Variants in SPTB observed in about 807,000 individuals in gnomAD.
SPTB encodes the protein spectrin beta chain, erythrocytic.
Under a neutral mutation model 256.2 loss-of-function variants are expected in SPTB, and 45 were observed. The ratio of observed to expected loss-of-function variants is 0.18; its 90% CI spans 0.14 to 0.23. The LOEUF is 0.23. Among genes scored for constraint, SPTB ranks in the 10% least tolerant of loss-of-function variants. The pLI is 1.00. For synonymous variants in SPTB, 1,231 were observed against 1,243.1 expected (o/e 0.99, Z 0.21); for missense variants, 2,715 against 3,040.4 (o/e 0.89, Z 2.52).
chr14:64,823,234 G>A lies in SPTB; in HGVS notation c.-51-89C>T. The A allele has an allele frequency of 1.0e-6, 1 of 990,526 alleles. No individual in the cohort carries two copies. The highest frequency in any genetic ancestry group is 2.6e-5 in the East Asian group (1 of 38,974). 61.4% of individuals were successfully genotyped at this position (990,526 alleles called of 1,614,324 possible). ...AACTTATTCGGAGCATCCAACGTGA[G>A]TAGATCCTGACAGAAGCAGAACGCC... On this transcript the variant is annotated intron_variant, in intron 1 of 35. Transcript: ENST00000644917. The surrounding 1 kb of genome is among the most constrained non-coding windows in gnomAD (Gnocchi z 6.5).
At chr14:64,801,115 G>A (rs1239996300) in intron 7 of SPTB, among the ~76,000 whole-genome samples, 170 bp downstream of exon 7, 2 of 152,262 alleles carry the variant, frequency 1.3e-5, no homozygotes, top group African/African-American at 2.4e-5. Context: ...GCATGGAGCA[G>A]AGAAGCAGGC....
intron 1 of SPTB, among the ~76,000 whole-genome samples, chr14:64,874,171 T>C (rs1397728081): frequency 6.6e-6 from 1 of 152,218 alleles, no homozygotes; most frequent in Non-Finnish European, 1.5e-5. Context: ...AATCATGCTT[T>C]ATTGTCTGTG....
intron 1 of SPTB, among the ~76,000 whole-genome samples, chr14:64,878,993 G>T (rs540224786): frequency 6.6e-6 from 1 of 152,326 alleles, no homozygotes; most frequent in African/African-American, 2.4e-5. Flanking sequence ...GGGAAGTACG[G>T]ATGAGTTGGT....
At chr14:64,872,477 C>T (rs112908289) in intron 1 of SPTB, among the ~76,000 whole-genome samples, 2 of 152,292 alleles carry the variant, frequency 1.3e-5, no homozygotes, top group South Asian at 4.1e-4. Flanking sequence ...ACTCCCCTGC[C>T]CACAACTTCC....
intron 32 of SPTB, 83 bp from the exon 33 acceptor site, chr14:64,753,876 C>T (rs984373626): frequency 3.2e-6 from 5 of 1,564,170 alleles, no homozygotes; most frequent in Non-Finnish European, 4.3e-6. Context: ...GGGAGGTCAG[C>T]AGCCACCCTC....
intron 9 of SPTB, 100 bp from the exon 10 acceptor site, chr14:64,797,946 A>C (rs2082808596): frequency 3.6e-6 from 3 of 829,666 alleles, no homozygotes; most frequent in Non-Finnish European, 6.4e-6. Context: ...AAGCGTAGAT[A>C]GCAAAGCATA....
rs149316006 is a variant in SPTB, at chr14:64,787,084, C to T, written c.2881G>A (p.Val961Ile). 2.8e-4 allele frequency: 445 copies of T among 1,612,860 alleles called. 1 individual carries two copies. In the African/African-American group the frequency reaches 4.8e-3, roughly 17 times the overall value. ...CACTTGCTGGTCTCCTCGCAATCTA[C>T]GCAGTAGTTGTGCACTCGGAGGGCT... ...DSALRVHNYC[V>I]DCEETSKWIT... is the part of the protein sequence containing the mutation. Residue 961 changes from valine (V) to isoleucine (I), a missense_variant, in exon 16 of 36, where the codon GTA (valine) becomes ATA (isoleucine). Around this residue, in one of 4 missense-constraint regions of SPTB, gnomAD observed 2,239 missense variants for 2,384.4 expected, o/e 0.94. Transcript: ENST00000644917.
At chr14:64,851,230 G>A (rs1156596978) in intron 1 of SPTB, among the ~76,000 whole-genome samples, 1 of 152,230 alleles carries the variant, frequency 6.6e-6, no homozygotes, top group Non-Finnish European at 1.5e-5. Flanking sequence ...GCAGGGCTAT[G>A]AGCAGATTTC....
At chr14:64,865,894 C>G (rs1882155182) in intron 1 of SPTB, among the ~76,000 whole-genome samples, 3 of 152,162 alleles carry the variant, frequency 2.0e-5, no homozygotes, top group Non-Finnish European at 4.4e-5. Context: ...AAGAACCCTC[C>G]TGCGTCAAGT....
chr14:64,750,634 G>A (rs1212675150), intron 33 of SPTB, among the ~76,000 whole-genome samples: 2 of 151,852 alleles, frequency 1.3e-5, no homozygotes, highest in African/African-American at 4.8e-5. Context: ...AAATTAGCCG[G>A]GCTTGGTGGC....
chr14:64,871,443 A>G (rs1312026591), intron 1 of SPTB, among the ~76,000 whole-genome samples: 1 of 152,244 alleles, frequency 6.6e-6, no homozygotes, highest in Non-Finnish European at 1.5e-5. Flanking sequence ...ACCTCTACCC[A>G]GAGAAGAACC....
intron 27 of SPTB, among the ~76,000 whole-genome samples, 157 bp from the exon 28 acceptor site, chr14:64,769,885 C>G (rs1481968053): frequency 6.6e-6 from 1 of 152,196 alleles, no homozygotes; most frequent in Non-Finnish European, 1.5e-5. Flanking sequence ...GCCAGCCCAG[C>G]CCCAGCAGGA....
At chr14:64,815,011 G>GGT (rs1458228696) in intron 2 of SPTB, among the ~76,000 whole-genome samples, 1 of 132,812 alleles carries the variant, frequency 7.5e-6, no homozygotes, top group African/African-American at 3.2e-5. Context: ...CAACTGGCAA[G>GGT]GTGTGTATGT....
Position 64,825,431 on chromosome 14 carries a change from A to G in SPTB, c.-51-2286T>C, listed in dbSNP as rs2083363401. 6.6e-6 allele frequency among the ~76,000 whole-genome samples: 1 copy of G among 151,930 alleles called. No individual in the cohort carries two copies. Among genetic ancestry groups the G allele is most frequent in the South Asian group, 2.1e-4 (1 of 4,814 alleles). On this transcript the variant is annotated intron_variant, in intron 1 of 35. Transcript: ENST00000644917. The surrounding 1 kb of genome is among the most constrained non-coding windows in gnomAD (Gnocchi z 4.8). ...CGCACCCAACTGGCTGGGCAACGATAGCCGGGAAAGATACCCCCCACCCCC... is the reference window on the plus strand; with the variant it reads ...CGCACCCAACTGGCTGGGCAACGATGGCCGGGAAAGATACCCCCCACCCCC...
chr14:64,775,469 T>C lies in SPTB; in HGVS notation c.4564-66A>G. 1.3e-6 allele frequency: 2 copies of C among 1,563,542 alleles called. No individual in the cohort carries two copies. Among genetic ancestry groups the C allele is most frequent in the South Asian group, 1.2e-5 (1 of 82,950 alleles). On this transcript the variant is annotated intron_variant, in intron 22 of 35. Coordinates refer to ENST00000644917, the MANE Select transcript of SPTB (RefSeq NM_001355436.2). The surrounding 1 kb of genome is among the most constrained non-coding windows in gnomAD (Gnocchi z 5.0). ...CATGCGGGGGAGGCTGCTTCAGCAGTGGCAGCACAGCTCTGACACCCTTGG... is the reference window on the plus strand; with the variant it reads ...CATGCGGGGGAGGCTGCTTCAGCAGCGGCAGCACAGCTCTGACACCCTTGG...
chr14:64,789,008 C>G (rs2082623374), intron 15 of SPTB, among the ~76,000 whole-genome samples: 1 of 152,226 alleles, frequency 6.6e-6, no homozygotes, highest in Non-Finnish European at 1.5e-5. Flanking sequence ...TCAAGCAACT[C>G]TCAGTTGCCT....
intron 2 of SPTB, among the ~76,000 whole-genome samples, chr14:64,812,448 G>A (rs1050617544): frequency 1.3e-5 from 2 of 152,194 alleles, no homozygotes; most frequent in Non-Finnish European, 2.9e-5. Context: ...AAAGGGGAGT[G>A]AGGTCTGTAA....
Position 64,771,084 on chromosome 14 carries a change from C to T in SPTB, c.5599G>A (p.Ala1867Thr). ...DVATRLQTAY[A>T]GEKAEAIQNK... The stretch of plus-strand genomic sequence containing the variant: ...TGGATGGCCTCTGCCTTCTCCCCAG[C>T]ATATGCTGTCTGCAGACGGGTGGCC... Residue 1867 changes from alanine to threonine, a missense_variant, in exon 27 of 36, where the codon GCT (alanine) becomes ACT (threonine). By Grantham distance (58) the Ala-to-Thr change is moderately conservative. Around this residue, in one of 4 missense-constraint regions of SPTB, gnomAD observed 2,239 missense variants for 2,384.4 expected, o/e 0.94. Coordinates refer to ENST00000644917, the MANE Select transcript of SPTB (RefSeq NM_001355436.2). 1 of 1,614,164 alleles carries T rather than the reference C, an allele frequency of 6.2e-7. No homozygotes were observed. Among genetic ancestry groups the T allele is most frequent in the Non-Finnish European group, 8.5e-7 (1 of 1,180,044 alleles).
intron 1 of SPTB, among the ~76,000 whole-genome samples, chr14:64,829,810 C>G (rs1446311080): frequency 6.6e-6 from 1 of 152,108 alleles, no homozygotes; most frequent in African/African-American, 2.4e-5. Flanking sequence ...AAAAGTCAAC[C>G]CCTTCCCATG....
Sources: allele counts gnomAD v4.1 joint callset (sites outside exome capture counted in the v4.1 genomes callset), GRCh38; gene constraint gnomAD v4.1.1; regional missense constraint gnomAD v4.1.1; non-coding constraint Gnocchi (gnomAD v3.1); transcripts MANE v1.5; gene names NCBI Gene and HGNC (gene_info 2026-07-23, HGNC 2026-07-21).